The following PPP1R17 variants were observed in gnomAD, a reference collection of about 807,000 sequenced individuals.
PPP1R17 encodes G-substrate.
A neutral mutation model predicts 15.9 loss-of-function variants in PPP1R17; 12 were observed. The observed-to-expected ratio is 0.75, with a 90% confidence interval of 0.48 to 1.22. The LOEUF (loss-of-function observed/expected upper bound fraction) is 1.22. PPP1R17 is among the 50% of genes most tolerant of loss of function. PPP1R17 has a pLI of 0.00. For synonymous variants in PPP1R17, 63 were observed against 64.5 expected (o/e 0.98, Z 0.11); for missense variants, 211 against 187.3 (o/e 1.13, Z -0.74).
chr7:31,689,748 G>T (rs1792260429), intron 1 of PPP1R17, among the ~76,000 whole-genome samples: 1 of 151,994 alleles, frequency 6.6e-6, no homozygotes, highest in Non-Finnish European at 1.5e-5. Context: ...TCTTTTCTTT[G>T]TGTGAAAATT....
chr7:31,691,816 A>C lies in PPP1R17; in HGVS notation c.-36-590A>C, dbSNP rs868156151. ...AATGATTAAAAAAAAAAAAAAAAAA[A>C]AAAAAACCAAGCAAAAAACCCACAA... On this transcript the variant is annotated intron_variant, in intron 1 of 4. Transcript: ENST00000342032. Among the ~76,000 whole-genome samples, 694 of 151,268 alleles carry C rather than the reference A, an allele frequency of 4.6e-3. 7 individuals are homozygous for C. Among genetic ancestry groups the C allele is most frequent in the African/African-American group, 0.015 (634 of 41,268 alleles).
At chr7:31,700,352 T>C (rs1157528305) in intron 4 of PPP1R17, among the ~76,000 whole-genome samples, 1 of 152,108 alleles carries the variant, frequency 6.6e-6, no homozygotes, top group Non-Finnish European at 1.5e-5. Context: ...CAAAGCCTAA[T>C]CCAGAACAAG....
intron 2 of PPP1R17, among the ~76,000 whole-genome samples, chr7:31,694,031 T>G (rs1225787913): frequency 6.6e-6 from 1 of 152,232 alleles, no homozygotes. Flanking sequence ...TATATTCCAG[T>G]TTATTCATCA....
intron 4 of PPP1R17, among the ~76,000 whole-genome samples, chr7:31,697,723 T>C (rs1792658800): frequency 1.3e-5 from 2 of 152,126 alleles, no homozygotes; most frequent in Admixed American, 6.5e-5. Flanking sequence ...TTTATACAGA[T>C]TGTTGTGTTG....
intron 4 of PPP1R17, among the ~76,000 whole-genome samples, chr7:31,703,178 C>T (rs1043374151): frequency 2.0e-5 from 3 of 152,246 alleles, no homozygotes; most frequent in African/African-American, 7.2e-5. Context: ...CAAAAACTCT[C>T]AACAAATGTT....
In PPP1R17 at chr7:31,707,480, T is replaced by A. The variant is rs1262117796; in HGVS notation, c.*197T>A. ...CTCTCTTCTTTCTGAGTATGGTTTC[T>A]ATTCTGTGTTTTGAATTTTTATTTT... On this transcript the variant is annotated 3_prime_UTR_variant, in exon 5 of 5. Transcript: ENST00000342032. 2 of 542,980 alleles carry A rather than the reference T, an allele frequency of 3.7e-6. No homozygotes were observed. Among genetic ancestry groups the A allele is most frequent in the African/African-American group, 1.9e-5 (1 of 52,090 alleles). 33.6% of individuals were successfully genotyped at this position (542,980 alleles called of 1,614,324 possible).
At chr7:31,697,155 G>A (rs1333242196) in intron 4 of PPP1R17, 38 bp downstream of exon 4, 2 of 1,609,374 alleles carry the variant, frequency 1.2e-6, no homozygotes, top group South Asian at 2.2e-5. Context: ...AGGGGGTGAT[G>A]GGGACAGGTC....
intron 1 of PPP1R17, 60 bp from the exon 2 acceptor site, chr7:31,692,346 A>G (rs1792391507): frequency 3.0e-6 from 3 of 993,744 alleles, no homozygotes; most frequent in African/African-American, 1.6e-5. Flanking sequence ...TACTTAGCAA[A>G]TGATTGAATG....
At chr7:31,700,822 C>A (rs550304255) in intron 4 of PPP1R17, among the ~76,000 whole-genome samples, 46 of 152,238 alleles carry the variant, frequency 3.0e-4, no homozygotes, top group South Asian at 6.2e-4. Context: ...GTAAATGGAA[C>A]TACAAAGCCT....
intron 2 of PPP1R17, 56 bp from the exon 3 acceptor site, chr7:31,695,413 G>T: frequency 6.6e-7 from 1 of 1,505,936 alleles, no homozygotes; most frequent in South Asian, 1.3e-5. Context: ...AACAGTTTGT[G>T]ACTGGATCCT....
intron 3 of PPP1R17, 119 bp from the exon 4 acceptor site, chr7:31,696,845 AG>A (rs1792605048): frequency 8.7e-6 from 10 of 1,144,860 alleles, no homozygotes; most frequent in Non-Finnish European, 1.2e-5. Flanking sequence ...GCTTTATTAA[AG>A]TAAGTTTGGA....
At chr7:31,704,392 G>A (rs1181778690) in intron 4 of PPP1R17, among the ~76,000 whole-genome samples, 3 of 152,180 alleles carry the variant, frequency 2.0e-5, no homozygotes, top group Non-Finnish European at 2.9e-5. Flanking sequence ...GGCCCTTGGA[G>A]ACTTTGGACT....
chr7:31,699,892 G>A (rs1792769689), intron 4 of PPP1R17, among the ~76,000 whole-genome samples: 1 of 151,828 alleles, frequency 6.6e-6, no homozygotes, highest in Admixed American at 6.6e-5. Flanking sequence ...GCCCATATAA[G>A]ACTGTTAACT....
At chr7:31,705,107 A>G (rs996784257) in intron 4 of PPP1R17, among the ~76,000 whole-genome samples, 7 of 152,214 alleles carry the variant, frequency 4.6e-5, no homozygotes, top group African/African-American at 1.7e-4. Context: ...ACTTGAAATT[A>G]TCTCCTGTGC....
chr7:31,707,340 T>C lies in PPP1R17; in HGVS notation c.*57T>C, dbSNP rs554464529. On this transcript the variant is annotated 3_prime_UTR_variant, in exon 5 of 5. Transcript: ENST00000342032. Reference sequence around the variant, plus strand: ...GTTAGATTGGTTCCCTGTGGTGACCTAGAGAAAAAATAGACTTGTTTCTGC... The same window carrying C: ...GTTAGATTGGTTCCCTGTGGTGACCCAGAGAAAAAATAGACTTGTTTCTGC... 27 of 1,440,814 alleles carry C rather than the reference T, an allele frequency of 1.9e-5. No homozygotes were observed. In the African/African-American group the frequency reaches 3.0e-4, roughly 16 times the overall value. The allele number at this position is 1,440,814 out of a possible 1,614,324, so 89.3% of individuals were successfully genotyped here.
At chr7:31,697,670 G>A (rs1005234163) in intron 4 of PPP1R17, among the ~76,000 whole-genome samples, 10 of 152,292 alleles carry the variant, frequency 6.6e-5, no homozygotes, top group South Asian at 2.1e-4. Flanking sequence ...AATAAGACAC[G>A]TATATTCATG....
chr7:31,691,772 T>C (rs1211033591), intron 1 of PPP1R17, among the ~76,000 whole-genome samples: 1 of 119,584 alleles, frequency 8.4e-6, no homozygotes, highest in Non-Finnish European at 1.7e-5. Context: ...CTTTACTTTA[T>C]ACAATAGTTG....
intron 4 of PPP1R17, among the ~76,000 whole-genome samples, chr7:31,699,157 C>T (rs1482497294): frequency 2.6e-5 from 4 of 152,178 alleles, no homozygotes; most frequent in Non-Finnish European, 5.9e-5. Flanking sequence ...CAGAAGATGA[C>T]TTGCTCAGAA....
chr7:31,704,349 T>C lies in PPP1R17; in HGVS notation c.389-2855T>C, dbSNP rs1346462217. ...TTTTAGATGGGGCTCTGGGTGGGATTGTGCTGTAAAACAGCTTGCTTCAAA... is the reference window on the plus strand; with the variant it reads ...TTTTAGATGGGGCTCTGGGTGGGATCGTGCTGTAAAACAGCTTGCTTCAAA... On this transcript the variant is annotated intron_variant, in intron 4 of 4. Transcript: ENST00000342032. 2.6e-5 allele frequency among the ~76,000 whole-genome samples: 4 copies of C among 152,178 alleles called. No homozygotes were observed. In the South Asian group the frequency reaches 6.2e-4, roughly 24 times the overall value.
Sources: gnomAD v4.1 joint callset for allele counts (sites outside exome capture counted in the v4.1 genomes callset) on GRCh38, gnomAD v4.1.1 for gene constraint, MANE v1.5 for transcripts, NCBI Gene and HGNC (gene_info 2026-07-23, HGNC 2026-07-21) for gene names.